Variants in MYO1E observed in about 807,000 individuals in gnomAD.
The protein encoded by MYO1E is myosin IE.
Under a neutral mutation model 151.1 loss-of-function variants are expected in MYO1E, and 68 were observed. The ratio of observed to expected loss-of-function variants is 0.45; its 90% CI spans 0.37 to 0.55. MYO1E has a LOEUF of 0.55. Among genes scored for constraint, MYO1E ranks in the 20% least tolerant of loss-of-function variants. MYO1E has a pLI of 0.00. For synonymous variants in MYO1E, 601 were observed against 501.7 expected, an observed-to-expected ratio of 1.20 and a Z score of -2.64; for missense variants, 1,363 against 1,389.3, an observed-to-expected ratio of 0.98 and a Z score of 0.30.
intron 1 of MYO1E, among the ~76,000 whole-genome samples, chr15:59,317,855 A>G (rs994213937): frequency 2.0e-5 from 3 of 152,226 alleles, no homozygotes; most frequent in Non-Finnish European, 4.4e-5. Context: ...GGCTAATTCA[A>G]TATTTACAAT....
At position 59,173,774 on chromosome 15, in the gene MYO1E, G is replaced by C; in HGVS notation, c.2306C>G (p.Thr769Arg). The C allele has an allele frequency of 6.2e-7, 1 of 1,614,196 alleles. No individual in the cohort carries two copies. Among genetic ancestry groups the C allele is most frequent in the South Asian group, 1.1e-5 (1 of 91,082 alleles). The change falls in exon 21 of 28, where the codon ACA (threonine) becomes AGA (arginine). Residue 769 changes from threonine to arginine, a missense_variant. Coordinates refer to ENST00000288235, the MANE Select transcript of MYO1E (RefSeq NM_004998.4). ...GKREKIDFAD[T>R]VTKYDRRFKG... is the part of the protein sequence containing the mutation. ...GAACCTCCTGTCATACTTGGTGACT[G>C]TGTCTGCGAAATCAATCTTCTCCCT...
At chr15:59,349,143 A>G (rs1376990675) in intron 1 of MYO1E, among the ~76,000 whole-genome samples, 1 of 152,146 alleles carries the variant, frequency 6.6e-6, no homozygotes, top group African/African-American at 2.4e-5. Context: ...AAGGACACCC[A>G]GGCAAGGGGA....
intron 1 of MYO1E, among the ~76,000 whole-genome samples, chr15:59,367,980 T>C (rs1310749716): frequency 3.3e-5 from 5 of 150,912 alleles, no homozygotes; most frequent in African/African-American, 1.2e-4. Flanking sequence ...ATTAGGCGGG[T>C]GTGGTGGTGG....
At chr15:59,145,924 C>T (rs2079438965) in intron 26 of MYO1E, among the ~76,000 whole-genome samples, 1 of 152,170 alleles carries the variant, frequency 6.6e-6, no homozygotes, top group African/African-American at 2.4e-5. Flanking sequence ...CAGCACACTA[C>T]CATCCTACCA....
intron 15 of MYO1E, among the ~76,000 whole-genome samples, chr15:59,204,282 G>A (rs2079819367): frequency 1.3e-5 from 2 of 152,210 alleles, no homozygotes; most frequent in Admixed American, 1.3e-4. Flanking sequence ...GGAGGGGTAG[G>A]GAGCTACAGG....
intron 25 of MYO1E, among the ~76,000 whole-genome samples, chr15:59,155,498 T>C (rs1566965995): frequency 6.6e-6 from 1 of 152,188 alleles, no homozygotes. Context: ...CTCATTTTTT[T>C]GATGAAGGAA....
intron 14 of MYO1E, chr15:59,206,792 C>G (rs2079837089): frequency 2.7e-6 from 2 of 730,360 alleles, no homozygotes; most frequent in Non-Finnish European, 4.4e-6. Flanking sequence ...TCTGGCAAGG[C>G]CCGCGCAGCC....
chr15:59,241,027 G>A (rs1596381003), intron 4 of MYO1E, among the ~76,000 whole-genome samples: 1 of 152,316 alleles, frequency 6.6e-6, no homozygotes, highest in South Asian at 2.1e-4. Context: ...TTTGGGGGTG[G>A]CAGCTATCCC....
intron 4 of MYO1E, among the ~76,000 whole-genome samples, 156 bp from the exon 5 acceptor site, chr15:59,236,828 A>T (rs1289401373): frequency 6.6e-6 from 1 of 152,204 alleles, no homozygotes; most frequent in African/African-American, 2.4e-5. Flanking sequence ...CAGTAGAGAA[A>T]GGCAAGTTAC....
chr15:59,208,909 TCA>T (rs2079858939), intron 13 of MYO1E, 61 bp from the exon 14 acceptor site: 27 of 1,596,536 alleles, frequency 1.7e-5, no homozygotes, highest in Admixed American at 3.4e-5. Context: ...ACAATGCTTA[TCA>T]GGTCCTTTCT....
At chr15:59,152,722 G>T (rs1206183767) in intron 26 of MYO1E, among the ~76,000 whole-genome samples, 1 of 152,162 alleles carries the variant, frequency 6.6e-6, no homozygotes, top group African/African-American at 2.4e-5. Flanking sequence ...GGAAACTGAA[G>T]CTCAGAGAGA....
chr15:59,260,941 T>C (rs947213447), intron 3 of MYO1E, among the ~76,000 whole-genome samples: 4 of 152,140 alleles, frequency 2.6e-5, no homozygotes, highest in African/African-American at 4.8e-5. Context: ...AAGCAGATCA[T>C]TGGCCAGGCG....
chr15:59,237,630 A>G (rs2080074713), intron 4 of MYO1E, among the ~76,000 whole-genome samples: 1 of 144,984 alleles, frequency 6.9e-6, no homozygotes, highest in Non-Finnish European at 1.5e-5. Context: ...AGTTCATAGG[A>G]CAATATTTTT....
At chr15:59,293,327 CT>C (rs71425858) in intron 1 of MYO1E, among the ~76,000 whole-genome samples, 1 of 152,116 alleles carries the variant, frequency 6.6e-6, no homozygotes. Context: ...TGATTATTAA[CT>C]TGAGGTCAGG....
At chr15:59,148,143 T>C (rs1163338983) in intron 26 of MYO1E, among the ~76,000 whole-genome samples, 4 of 152,194 alleles carry the variant, frequency 2.6e-5, no homozygotes, top group African/African-American at 9.7e-5. Flanking sequence ...TTCAAAATTA[T>C]TATATTAGTA....
rs1269353482 is a variant in MYO1E at position 59,224,748 on chromosome 15, G to A, written c.718C>T (p.Leu240Phe). Residue 240 changes from leucine to phenylalanine, a missense_variant, in exon 8 of 28, where the codon CTC becomes TTC. Physicochemically the swap from Leu to Phe is conservative, Grantham distance 22 (BLOSUM62 0). Coordinates refer to ENST00000288235, the MANE Select transcript of MYO1E (RefSeq NM_004998.4). Reference sequence around the variant, plus strand: ...TCATCAACCTTGTATGAGCCCGAGAGGCTCAGGTAGTAATAATAGTCCATG... The same window carrying A: ...TCATCAACCTTGTATGAGCCCGAGAAGCTCAGGTAGTAATAATAGTCCATG... Reference protein sequence around the residue: ...TSMDYYYYLSLSGSYKVDDID... With the variant: ...TSMDYYYYLSFSGSYKVDDID... 6 of 1,614,214 alleles carry A rather than the reference G, an allele frequency of 3.7e-6. No homozygotes were observed. The East Asian group carries it at 1.1e-4, about 30-fold the overall frequency.
intron 16 of MYO1E, among the ~76,000 whole-genome samples, chr15:59,199,547 A>G (rs1258737477): frequency 5.3e-5 from 8 of 152,202 alleles, no homozygotes; most frequent in African/African-American, 1.4e-4. Context: ...TCCAGACACG[A>G]CAATATCGAA....
At position 59,223,050 on chromosome 15, in the gene MYO1E, G is replaced by T. The variant is rs750779990; in HGVS notation, c.910+9C>A. The T allele has an allele frequency of 1.2e-6, 2 of 1,613,676 alleles. No homozygotes were observed. Among genetic ancestry groups the T allele is most frequent in the Non-Finnish European group, 1.7e-6 (2 of 1,179,996 alleles). Reference sequence around the variant, plus strand: ...CCTCATTCAATGGCCACATGCCAGGGCTACGCACACTCTTCACTCTCCACA... The same window carrying T: ...CCTCATTCAATGGCCACATGCCAGGTCTACGCACACTCTTCACTCTCCACA... On this transcript the variant is annotated intron_variant, in intron 9 of 27. Transcript: ENST00000288235.
intron 1 of MYO1E, among the ~76,000 whole-genome samples, chr15:59,282,053 T>C (rs1389776652): frequency 6.6e-6 from 1 of 152,208 alleles, no homozygotes; most frequent in Non-Finnish European, 1.5e-5. Flanking sequence ...CCTGGTGCCA[T>C]GTTCCACACC....
Sources: allele counts gnomAD v4.1 joint callset (sites outside exome capture counted in the v4.1 genomes callset), GRCh38; gene constraint gnomAD v4.1.1; transcripts MANE v1.5; gene names NCBI Gene and HGNC (gene_info 2026-07-23, HGNC 2026-07-21).